Variants in ITFG2 observed in about 807,000 individuals in gnomAD.
ITFG2 encodes the protein integrin alpha FG-GAP repeat containing 2, also known as KICSTOR complex protein ITFG2.
In ITFG2, 36 loss-of-function variants were observed where a neutral mutation model predicts 54.4. The ratio of observed to expected loss-of-function variants is 0.66; its 90% CI spans 0.51 to 0.87. ITFG2 has a LOEUF of 0.87. Among genes scored for constraint, ITFG2 ranks in the 40% least tolerant of loss-of-function variants. The pLI, the probability that ITFG2 is intolerant of heterozygous loss-of-function variation, is 0.00. For missense variants in ITFG2, 524 were observed against 576.7 expected (o/e 0.91, Z 0.94); for synonymous variants, 211 against 225.4 (o/e 0.94, Z 0.57).
chr12:2,822,720 C>A, intron 9 of ITFG2, 74 bp from the exon 10 acceptor site: 11 of 1,302,350 alleles, frequency 8.4e-6, no homozygotes, highest in Non-Finnish European at 1.2e-5. Context: ...GAAATTCCTC[C>A]CCAGCTCGCT....
chr12:2,836,100 C>A (rs1292591936), upstream of ITFG2, among the ~76,000 whole-genome samples: 1 of 152,200 alleles, frequency 6.6e-6, no homozygotes, highest in South Asian at 2.1e-4. Flanking sequence ...TCTCCTGGGG[C>A]ACCTATGTAG....
At chr12:2,831,548 C>T (rs945094231), downstream of ITFG2, among the ~76,000 whole-genome samples, 25 of 151,944 alleles carry the variant, frequency 1.6e-4, no homozygotes, top group Admixed American at 9.2e-4. Flanking sequence ...CACACCACTG[C>T]ACTCCAGTCT....
intron 2 of ITFG2, among the ~76,000 whole-genome samples, chr12:2,844,231 G>C (rs11062379): frequency 0.23 from 35,004 of 151,780 alleles, 5,383 homozygotes; most frequent in African/African-American, 0.43. Context: ...ACACTCCAGC[G>C]TGGGTGAGAG....
At chr12:2,828,988 C>G (rs1042677630), downstream of ITFG2, among the ~76,000 whole-genome samples, 2 of 151,834 alleles carry the variant, frequency 1.3e-5, no homozygotes, top group African/African-American at 4.8e-5. Context: ...TCACTTGAAG[C>G]CAGGAGTTCA....
chr12:2,840,453 C>T (rs1447717636), intron 1 of ITFG2, among the ~76,000 whole-genome samples: 1 of 126,174 alleles, frequency 7.9e-6, no homozygotes, highest in Non-Finnish European at 1.6e-5. Flanking sequence ...GAGACTCTGT[C>T]TCAAAAAAAA....
rs920289916 is a variant in ITFG2 at position 2,824,708 on chromosome 12, A to G, written c.*515A>G. ...ATCTTTCTACAGTCTGGTCTTACCCATGTTCCTAGCAACCCTGAGATGATT... is the reference window on the plus strand; with the variant it reads ...ATCTTTCTACAGTCTGGTCTTACCCGTGTTCCTAGCAACCCTGAGATGATT... On this transcript the variant is annotated 3_prime_UTR_variant, in exon 12 of 12. Coordinates refer to ENST00000228799, the MANE Select transcript of ITFG2 (RefSeq NM_018463.4). The G allele has an allele frequency of 1.9e-5, 3 of 160,754 alleles. No individual in the cohort carries two copies. Among genetic ancestry groups the G allele is most frequent in the African/African-American group, 4.8e-5 (2 of 41,636 alleles). 10.0% of individuals were successfully genotyped at this position (160,754 alleles called of 1,614,324 possible).
Position 2,850,953 on chromosome 12 carries a change from T to A in ITFG2, n.301-7059T>A, listed in dbSNP as rs147615717. The stretch of plus-strand genomic sequence containing the variant: ...TCCCAAAGTGCTGAGATTACAAGCA[T>A]GAGCCAACACACCAGGCCCAGAGTC... On this transcript the variant is annotated intron_variant and non_coding_transcript_variant, in intron 2 of 3. Transcript: ENST00000537710. Among the ~76,000 whole-genome samples, 1,457 of 150,194 alleles carry A rather than the reference T, an allele frequency of 9.7e-3. 22 individuals are homozygous for A. Among genetic ancestry groups the A allele is most frequent in the African/African-American group, 0.033 (1,353 of 40,652 alleles).
upstream of ITFG2, among the ~76,000 whole-genome samples, chr12:2,833,407 G>C (rs933847200): frequency 6.6e-6 from 1 of 152,108 alleles, no homozygotes; most frequent in Admixed American, 6.6e-5. Flanking sequence ...TTCTCGTTGG[G>C]AGCTAGGGAA....
At chr12:2,834,466 T>C (rs2153926520), upstream of ITFG2, among the ~76,000 whole-genome samples, 1 of 152,232 alleles carries the variant, frequency 6.6e-6, no homozygotes, top group East Asian at 1.9e-4. Flanking sequence ...CACCAAACCA[T>C]GGGAACATCC....
At chr12:2,815,577 A>G (rs895561384) in intron 1 of ITFG2, among the ~76,000 whole-genome samples, 3 of 152,238 alleles carry the variant, frequency 2.0e-5, no homozygotes, top group Non-Finnish European at 2.9e-5. Context: ...AAGAGTTCAC[A>G]TTGTCTTTTT....
rs148979658 is a variant in ITFG2, at chr12:2,822,799, C to G, written c.954C>G (p.Asn318Lys). The change falls in exon 10 of 12, where the codon AAC becomes AAG. Residue 318 changes from asparagine to lysine, a missense_variant. Asn to Lys is a moderately conservative substitution (Grantham distance 94). Coordinates refer to ENST00000228799, the MANE Select transcript of ITFG2 (RefSeq NM_018463.4). Reference sequence around the variant, plus strand: ...TTGTCTCTGTCCTTTTTCAGGGCAACGGGCATGAGGAGGTAGTTGCATGCG... The same window carrying G: ...TTGTCTCTGTCCTTTTTCAGGGCAAGGGGCATGAGGAGGTAGTTGCATGCG... Reference protein sequence around the residue: ...FALEKLDVTGNGHEEVVACAW... With the variant: ...FALEKLDVTGKGHEEVVACAW... The G allele has an allele frequency of 6.2e-7, 1 of 1,613,298 alleles. No individual in the cohort carries two copies. The highest frequency in any genetic ancestry group is 8.5e-7 in the Non-Finnish European group (1 of 1,179,546).
rs114908198 is a variant in ITFG2, at chr12:2,852,379, T to A, written n.301-5633T>A. 4.0e-3 allele frequency among the ~76,000 whole-genome samples: 606 copies of A among 152,174 alleles called. 5 individuals carry two copies. The highest frequency in any genetic ancestry group is 0.014 in the African/African-American group (586 of 41,522). On this transcript the variant is annotated intron_variant and non_coding_transcript_variant, in intron 2 of 3. Coordinates refer to the ITFG2 transcript ENST00000537710. Reference sequence around the variant, plus strand: ...CCTGCTGTGGGAACTGTTTTTTTTTTCTTTTGAGCTAGGGTCTCACCACGT... The same window carrying A: ...CCTGCTGTGGGAACTGTTTTTTTTTACTTTTGAGCTAGGGTCTCACCACGT...
upstream of ITFG2, chr12:2,834,721 G>A (rs1565435261): frequency 6.2e-7 from 1 of 1,613,984 alleles, no homozygotes; most frequent in Non-Finnish European, 8.5e-7. Context: ...GAACTGGGTG[G>A]CCTGTTTGAG....
At chr12:2,827,530 A>C, downstream of ITFG2, 2 of 1,592,518 alleles carry the variant, frequency 1.3e-6, no homozygotes, top group Non-Finnish European at 1.7e-6. This position sits in a 1 kb window ranked among gnomAD's most constrained non-coding sequence, Gnocchi z 4.0. Context: ...CCCATCTCTA[A>C]GTCACTCTCA....
downstream of ITFG2, chr12:2,827,991 G>A (rs753593743): frequency 6.2e-7 from 1 of 1,614,218 alleles, no homozygotes. The surrounding 1 kb of genome is among the most constrained non-coding windows in gnomAD (Gnocchi z 4.0). Context: ...CTCCACCTGG[G>A]TTGGGGGCCC....
chr12:2,819,919 G>A (rs776196823), intron 4 of ITFG2, 167 bp from the exon 5 acceptor site: 17 of 736,188 alleles, frequency 2.3e-5, no homozygotes, highest in Non-Finnish European at 3.3e-5. Context: ...CCAAATGGAC[G>A]GGCAAGATGC....
intron 1 of ITFG2, among the ~76,000 whole-genome samples, chr12:2,837,956 GAT>G (rs1232565275): frequency 6.6e-6 from 1 of 152,206 alleles, no homozygotes. Context: ...GGAGAATACT[GAT>G]AGAGATGATA....
chr12:2,851,085 T>C (rs1024322356), intron 2 of ITFG2, among the ~76,000 whole-genome samples: 4 of 147,800 alleles, frequency 2.7e-5, no homozygotes, highest in African/African-American at 1.0e-4. Context: ...GAGAATCGCT[T>C]GAACCCAGGA....
chr12:2,849,225 G>T (rs898453529), intron 2 of ITFG2: 2 of 1,532,422 alleles, frequency 1.3e-6, no homozygotes, highest in Non-Finnish European at 1.7e-6. Flanking sequence ...CCCTCTGGAA[G>T]CCCTTCTAGA....
Sources: allele counts gnomAD v4.1 joint callset (sites outside exome capture counted in the v4.1 genomes callset), GRCh38; gene constraint gnomAD v4.1.1; non-coding constraint Gnocchi (gnomAD v3.1); transcripts MANE v1.5; gene names NCBI Gene and HGNC (gene_info 2026-07-23, HGNC 2026-07-21).